RAPGEF4: variants seen among roughly 807,000 people sequenced by gnomAD.
The protein encoded by RAPGEF4 is RAP guanine-nucleotide-exchange factor (GEF) 4.
RAPGEF4 carries 66 observed loss-of-function variants against 147.9 expected under a neutral mutation model. The observed-to-expected ratio is 0.45, with a 90% CI of 0.37 to 0.55. RAPGEF4 has a LOEUF of 0.55. RAPGEF4 is among the 20% of genes least tolerant of loss of function. RAPGEF4 has a pLI of 0.00. For missense variants in RAPGEF4, 1,071 were observed against 1,257.3 expected, an observed-to-expected ratio of 0.85 and a Z score of 2.24; for synonymous variants, 419 against 442.7, an observed-to-expected ratio of 0.95 and a Z score of 0.67.
At chr2:172,849,954 G>T (rs907657164) in intron 4 of RAPGEF4, among the ~76,000 whole-genome samples, 1 of 152,218 alleles carries the variant, frequency 6.6e-6, no homozygotes, top group Non-Finnish European at 1.5e-5. Context: ...AGTTCCTGGA[G>T]TCATGGTGCA....
chr2:172,762,884 G>A (rs1696483994), intron 1 of RAPGEF4, among the ~76,000 whole-genome samples: 1 of 152,224 alleles, frequency 6.6e-6, no homozygotes, highest in African/African-American at 2.4e-5. Flanking sequence ...TCTGCTCTGA[G>A]TGACTGTGGG....
intron 14 of RAPGEF4, 83 bp downstream of exon 14, chr2:172,988,922 T>C (rs770609754): frequency 7.6e-5 from 110 of 1,455,762 alleles, no homozygotes; most frequent in Non-Finnish European, 1.0e-4. Context: ...ATAGTCTTAA[T>C]TGAGTAGTCC....
At chr2:172,925,616 A>ACACACACACACACACG (rs1685212200) in intron 6 of RAPGEF4, among the ~76,000 whole-genome samples, 1 of 140,876 alleles carries the variant, frequency 7.1e-6, no homozygotes, top group South Asian at 2.3e-4. Context: ...ACACACACAC[A>ACACACACACACACACG]CGCTGAATGT....
chr2:172,808,902 T>A (rs1687753210), intron 3 of RAPGEF4, among the ~76,000 whole-genome samples: 1 of 152,214 alleles, frequency 6.6e-6, no homozygotes, highest in African/African-American at 2.4e-5. Flanking sequence ...TGGGAGTCCT[T>A]TGCCTGATGC....
intron 1 of RAPGEF4, among the ~76,000 whole-genome samples, chr2:172,763,998 C>G (rs1364892737): frequency 6.6e-6 from 1 of 152,036 alleles, no homozygotes; most frequent in East Asian, 1.9e-4. Context: ...CACCTGTAAT[C>G]ACAACACTGT....
At chr2:172,857,733 T>A (rs149382877) in intron 4 of RAPGEF4, among the ~76,000 whole-genome samples, 2 of 151,728 alleles carry the variant, frequency 1.3e-5, no homozygotes, top group East Asian at 3.9e-4. Context: ...AGTACAAAAA[T>A]TAGCTGGGTG....
chr2:172,912,952 G>C (rs980694182), intron 4 of RAPGEF4, among the ~76,000 whole-genome samples: 6 of 143,666 alleles, frequency 4.2e-5, no homozygotes, highest in Non-Finnish European at 7.5e-5. Context: ...ATGGAGTGCA[G>C]TGGCACAATC....
rs528257800 is a variant in RAPGEF4, at chr2:172,952,690, G to A, written c.538-8070G>A. On this transcript the variant is annotated intron_variant, in intron 6 of 30. Coordinates refer to ENST00000397081, the MANE Select transcript of RAPGEF4 (RefSeq NM_007023.4). ...AACCATTCTTACTGGTAAGAACAGGGACCTCTCTAAAGTTACCATTTTATT... is the reference window on the plus strand; with the variant it reads ...AACCATTCTTACTGGTAAGAACAGGAACCTCTCTAAAGTTACCATTTTATT... Among the ~76,000 whole-genome samples, 19 of 152,244 alleles carry A rather than the reference G, an allele frequency of 1.2e-4. No individual in the cohort carries two copies. The South Asian group carries it at 3.7e-3, about 30-fold the overall frequency.
chr2:172,764,549 C>T (rs749588799), intron 1 of RAPGEF4, among the ~76,000 whole-genome samples: 5 of 152,152 alleles, frequency 3.3e-5, no homozygotes, highest in Non-Finnish European at 7.3e-5. Flanking sequence ...GATGTGATCT[C>T]ACTTGTCCCA....
intron 4 of RAPGEF4, among the ~76,000 whole-genome samples, chr2:172,891,015 C>T (rs1014535613): frequency 3.3e-5 from 5 of 152,178 alleles, no homozygotes; most frequent in Non-Finnish European, 5.9e-5. Flanking sequence ...CCTGTAGTCC[C>T]AGCTACGTGG....
intron 23 of RAPGEF4, among the ~76,000 whole-genome samples, chr2:173,024,143 G>A (rs980436776): frequency 2.6e-5 from 4 of 152,030 alleles, no homozygotes; most frequent in South Asian, 2.1e-4. Context: ...ACAGTATTTC[G>A]CTCCTACATC....
chr2:172,891,460 C>A (rs1360803878), intron 4 of RAPGEF4, among the ~76,000 whole-genome samples: 1 of 152,162 alleles, frequency 6.6e-6, no homozygotes, highest in Non-Finnish European at 1.5e-5. Context: ...GCTTTAATTT[C>A]CTTTATGGCC....
At chr2:172,838,276 T>A (rs1209317719) in intron 4 of RAPGEF4, among the ~76,000 whole-genome samples, 2 of 152,122 alleles carry the variant, frequency 1.3e-5, no homozygotes, top group African/African-American at 4.8e-5. Flanking sequence ...CAAAAATATC[T>A]TCCCCATTTT....
At chr2:172,998,504 G>A (rs1431505656) in intron 16 of RAPGEF4, among the ~76,000 whole-genome samples, 1 of 152,200 alleles carries the variant, frequency 6.6e-6, no homozygotes, top group African/African-American at 2.4e-5. Context: ...CTGGAGCCCA[G>A]GAGTTTGAGG....
At chr2:172,955,181 G>A (rs1267359489) in intron 6 of RAPGEF4, among the ~76,000 whole-genome samples, 1 of 152,128 alleles carries the variant, frequency 6.6e-6, no homozygotes, top group Non-Finnish European at 1.5e-5. Flanking sequence ...GTCTGAATAT[G>A]GTCTTTCGTG....
chr2:172,797,462 G>A (rs1403894500), intron 2 of RAPGEF4, 63 bp from the exon 3 acceptor site: 2 of 1,330,494 alleles, frequency 1.5e-6, no homozygotes, highest in South Asian at 1.3e-5. Flanking sequence ...TGAAAAACTG[G>A]CAGATCATAT....
At chr2:172,946,163 G>A (rs1249800635) in intron 6 of RAPGEF4, among the ~76,000 whole-genome samples, 1 of 152,090 alleles carries the variant, frequency 6.6e-6, no homozygotes, top group Non-Finnish European at 1.5e-5. Context: ...ATGTAAAATT[G>A]CTTATGATTT....
At chr2:172,980,528 A>AG (rs2105637924) in intron 10 of RAPGEF4, among the ~76,000 whole-genome samples, 1 of 152,284 alleles carries the variant, frequency 6.6e-6, no homozygotes, top group African/African-American at 2.4e-5. Context: ...AAGGGAGCCA[A>AG]GGGGGAGGAG....
intron 4 of RAPGEF4, among the ~76,000 whole-genome samples, chr2:172,860,638 C>T (rs1391404719): frequency 2.8e-5 from 4 of 143,218 alleles, no homozygotes; most frequent in African/African-American, 1.0e-4. Flanking sequence ...AAATGAAAAA[C>T]TCAGTTATTT....
Sources: allele counts gnomAD v4.1 joint callset (sites outside exome capture counted in the v4.1 genomes callset), GRCh38; gene constraint gnomAD v4.1.1; transcripts MANE v1.5; gene names NCBI Gene and HGNC (gene_info 2026-07-23, HGNC 2026-07-21).